Variants in WFDC9 observed in about 807,000 individuals in gnomAD.
WFDC9 encodes the protein WAP four-disulfide core domain 9, also known as protein WFDC9.
A neutral mutation model predicts 9.5 loss-of-function variants in WFDC9; 9 were observed. That is an observed-to-expected ratio of 0.95 (90% CI 0.57 to 1.65). The LOEUF is 1.65. Ranked by LOEUF, WFDC9 falls within the 40% of genes most tolerant of loss-of-function variation. The pLI is 0.00. For missense variants in WFDC9, 87 were observed against 106.7 expected, an observed-to-expected ratio of 0.82 and a Z score of 0.81; for synonymous variants, 33 against 32.3, an observed-to-expected ratio of 1.02 and a Z score of -0.07.
intron 1 of WFDC9, among the ~76,000 whole-genome samples, chr20:45,623,894 C>T (rs1487670449): frequency 6.6e-6 from 1 of 152,020 alleles, no homozygotes; most frequent in Non-Finnish European, 1.5e-5. Context: ...ACGTTGTATC[C>T]TTTAACAAAT....
intron 2 of WFDC9, among the ~76,000 whole-genome samples, chr20:45,611,103 C>T (rs1292931536): frequency 6.6e-6 from 1 of 152,142 alleles, no homozygotes. Context: ...TCCAATGAAC[C>T]CTTGAAATCT....
chr20:45,623,211 A>G (rs1379412356), intron 1 of WFDC9, among the ~76,000 whole-genome samples: 1 of 152,202 alleles, frequency 6.6e-6, no homozygotes, highest in Non-Finnish European at 1.5e-5. Flanking sequence ...TGGAAGCTTC[A>G]AGGATTTGGG....
chr20:45,630,062 C>G (rs1207086433), intron 1 of WFDC9, among the ~76,000 whole-genome samples: 2 of 151,890 alleles, frequency 1.3e-5, no homozygotes, highest in African/African-American at 4.8e-5. Context: ...AACCATGGCC[C>G]TCCAGCCCCT....
chr20:45,629,760 A>G, intron 1 of WFDC9: 1 of 1,587,510 alleles, frequency 6.3e-7, no homozygotes, highest in Non-Finnish European at 8.6e-7. Context: ...ACAGCTCTGC[A>G]GGGAAGTCTG....
intron 1 of WFDC9, among the ~76,000 whole-genome samples, chr20:45,617,093 AC>A (rs1286214944): frequency 1.3e-5 from 2 of 152,154 alleles, no homozygotes; most frequent in Non-Finnish European, 2.9e-5. Context: ...TATTGTAGCC[AC>A]CTTCATCAAT....
At chr20:45,622,749 TA>T (rs1982129958) in intron 1 of WFDC9, among the ~76,000 whole-genome samples, 1 of 152,196 alleles carries the variant, frequency 6.6e-6, no homozygotes, top group South Asian at 2.1e-4. Flanking sequence ...CTAATCTATT[TA>T]CATATATTAA....
chr20:45,615,773 C>G (rs1049998836), intron 1 of WFDC9, among the ~76,000 whole-genome samples: 1 of 151,930 alleles, frequency 6.6e-6, no homozygotes, highest in Non-Finnish European at 1.5e-5. Context: ...TAATAGTTTT[C>G]TTATGATGAA....
chr20:45,611,119 G>A (rs570757059), intron 2 of WFDC9, among the ~76,000 whole-genome samples: 3 of 152,140 alleles, frequency 2.0e-5, no homozygotes, highest in Non-Finnish European at 2.9e-5. Context: ...AATCTCCCAC[G>A]AAAGAGTCAA....
intron 2 of WFDC9, among the ~76,000 whole-genome samples, chr20:45,612,207 A>C (rs1316848027): frequency 1.2e-4 from 19 of 152,184 alleles, no homozygotes; most frequent in Non-Finnish European, 1.5e-5. Context: ...AACTATTTTC[A>C]ATTACAATTT....
chr20:45,622,000 T>G (rs143906054), intron 1 of WFDC9, among the ~76,000 whole-genome samples: 2,108 of 152,262 alleles, frequency 0.014, 89 homozygotes, highest in Admixed American at 0.097. Flanking sequence ...GCCCATATAC[T>G]TTTGTATAGT....
rs182625456 is a variant in WFDC9 at position 45,615,439 on chromosome 20, C to T, written c.-152-718G>A. On this transcript the variant is annotated intron_variant, in intron 1 of 4. Transcript: ENST00000326000. ...AAAGCCTGTCTGCAGGAATATTATA[C>T]GCAGTGACAGGAGATGTCAATATAA... is the stretch of plus-strand genomic sequence containing the variant. Among the ~76,000 whole-genome samples the T allele has an allele frequency of 3.0e-3, 450 of 152,248 alleles. 4 individuals are homozygous for T. The highest frequency in any genetic ancestry group is 5.2e-3 in the South Asian group (25 of 4,828).
intron 1 of WFDC9, among the ~76,000 whole-genome samples, chr20:45,619,477 G>A (rs943612385): frequency 2.0e-5 from 3 of 152,170 alleles, no homozygotes; most frequent in African/African-American, 7.2e-5. Context: ...AACAAAGACT[G>A]AGAGAATTTG....
intron 3 of WFDC9, 152 bp from the exon 4 acceptor site, chr20:45,608,962 G>A: frequency 1.2e-6 from 1 of 858,546 alleles, no homozygotes; most frequent in Non-Finnish European, 1.7e-6. Context: ...TATAACCAGT[G>A]TCTTGTCACA....
rs894432155 is a variant in WFDC9 at position 45,608,744 on chromosome 20, C to T, written c.158G>A (p.Arg53Lys). ...VQPPYKYCEK[R>K]CTKIMTCVRP... ...TACACAAGTCATTATTTTAGTACACCTTTTCTCACAGTACTTATATGGAGG... is the reference window on the plus strand; with the variant it reads ...TACACAAGTCATTATTTTAGTACACTTTTTCTCACAGTACTTATATGGAGG... The change falls in exon 4 of 5, where the codon AGG (arginine) becomes AAG (lysine). Residue 53 changes from arginine (R) to lysine (K), a missense_variant. Arg to Lys is a conservative substitution (Grantham distance 26). Coordinates refer to ENST00000326000, the MANE Select transcript of WFDC9 (RefSeq NM_147198.4). 3 of 1,613,964 alleles carry T rather than the reference C, an allele frequency of 1.9e-6. No individual in the cohort carries two copies. The highest frequency in any genetic ancestry group is 2.5e-6 in the Non-Finnish European group (3 of 1,179,984).
chr20:45,609,945 G>T, intron 3 of WFDC9, 146 bp downstream of exon 3: 1 of 598,048 alleles, frequency 1.7e-6, no homozygotes, highest in Non-Finnish European at 2.9e-6. Context: ...TAAAGGAATT[G>T]GGAATATCTA....
At chr20:45,621,328 T>A (rs1273615215) in intron 1 of WFDC9, among the ~76,000 whole-genome samples, 1 of 152,244 alleles carries the variant, frequency 6.6e-6, no homozygotes. Flanking sequence ...TGGTGTTCTC[T>A]TATTCTATCT....
intron 3 of WFDC9, among the ~76,000 whole-genome samples, chr20:45,609,582 C>A (rs1445042722): frequency 2.0e-5 from 3 of 152,146 alleles, no homozygotes; most frequent in African/African-American, 7.2e-5. Context: ...CCCTGGCCCA[C>A]AACCCTCCTG....
At chr20:45,617,455 A>C (rs1399106090) in intron 1 of WFDC9, among the ~76,000 whole-genome samples, 1 of 152,060 alleles carries the variant, frequency 6.6e-6, no homozygotes, top group Non-Finnish European at 1.5e-5. Flanking sequence ...ACTCCATCTC[A>C]AAAAAAATTT....
Position 45,607,952 on chromosome 20 carries a change from G to A in WFDC9, c.*158C>T, listed in dbSNP as rs1568650750. The A allele has an allele frequency of 3.7e-6, 3 of 810,192 alleles. No homozygotes were observed. The South Asian group carries it at 4.5e-5, about 12-fold the overall frequency. 50.2% of individuals were successfully genotyped at this position (810,192 alleles called of 1,614,324 possible). ...TATGCAGAGCCCTCAGGTTGATGTA[G>A]CAGTTTATTTGACAAAAGCTTCAGG... On this transcript the variant is annotated 3_prime_UTR_variant, in exon 5 of 5. Coordinates refer to ENST00000326000, the MANE Select transcript of WFDC9 (RefSeq NM_147198.4).
Sources: gnomAD v4.1 joint callset for allele counts (sites outside exome capture counted in the v4.1 genomes callset) on GRCh38, gnomAD v4.1.1 for gene constraint, MANE v1.5 for transcripts, NCBI Gene and HGNC (gene_info 2026-07-23, HGNC 2026-07-21) for gene names.